Variants in BRD4 observed in about 807,000 individuals in gnomAD.
BRD4 encodes the protein bromodomain-containing protein 4.
BRD4 carries 16 observed loss-of-function variants against 142.1 expected under a neutral mutation model. The observed-to-expected ratio is 0.11, with a 90% CI of 0.08 to 0.17. The LOEUF is 0.17. BRD4 is among the 10% of genes least tolerant of loss of function. The pLI is 1.00. For missense variants in BRD4, 1,424 were observed against 1,810.9 expected (o/e 0.79, Z 3.88); for synonymous variants, 833 against 707.5 (o/e 1.18, Z -2.82).
chr19:15,302,637 C>A (rs2047879024), intron 1 of BRD4, among the ~76,000 whole-genome samples: 2 of 137,174 alleles, frequency 1.5e-5, no homozygotes, highest in African/African-American at 5.6e-5. Flanking sequence ...CCACTGCACT[C>A]CAGCCTGGAC....
chr19:15,255,936 T>C (rs2047403555), intron 9 of BRD4, 128 bp downstream of exon 9: 1 of 1,279,820 alleles, frequency 7.8e-7, no homozygotes, highest in East Asian at 2.3e-5. Flanking sequence ...GCCTGGCCTG[T>C]GAAGCCACGG....
intron 1 of BRD4, among the ~76,000 whole-genome samples, chr19:15,292,553 C>T (rs933351661): frequency 3.3e-5 from 5 of 152,032 alleles, no homozygotes; most frequent in Admixed American, 1.3e-4. Context: ...CCGAGGCGGG[C>T]GGATCACGAG....
intron 1 of BRD4, among the ~76,000 whole-genome samples, chr19:15,288,226 A>G (rs1158460514): frequency 1.3e-5 from 2 of 152,174 alleles, no homozygotes; most frequent in Non-Finnish European, 2.9e-5. Flanking sequence ...CCCTGCTTTC[A>G]AAGAGAATGC....
chr19:15,301,389 C>A (rs187284920), intron 1 of BRD4, among the ~76,000 whole-genome samples: 48 of 151,990 alleles, frequency 3.2e-4, no homozygotes, highest in African/African-American at 1.1e-3. Flanking sequence ...GGTGAAACCC[C>A]GCCTCTACTA....
At chr19:15,290,659 G>A (rs569948416) in intron 1 of BRD4, among the ~76,000 whole-genome samples, 1 of 152,218 alleles carries the variant, frequency 6.6e-6, no homozygotes, top group East Asian at 1.9e-4. Context: ...CAGCTAATCT[G>A]GCCAGGCTGG....
At position 15,254,134 on chromosome 19, in the gene BRD4, G is replaced by C; in HGVS notation, c.2158+18C>G. 1 of 1,601,436 alleles carries C rather than the reference G, an allele frequency of 6.2e-7. No homozygotes were observed. The highest frequency in any genetic ancestry group is 8.6e-7 in the Non-Finnish European group (1 of 1,168,538). On this transcript the variant is annotated intron_variant, in intron 11 of 19. Transcript: ENST00000679869. ...TGGGAAGAGTTTGGTAAGACACGTA[G>C]AACACAAGTCACCTAACCTGTTTCG...
At chr19:15,243,607 G>A (rs2145512896) in intron 13 of BRD4, 120 bp from the exon 14 acceptor site, 1 of 1,391,372 alleles carries the variant, frequency 7.2e-7, no homozygotes, top group Non-Finnish European at 9.3e-7. Flanking sequence ...CCCTCAAACT[G>A]GCACTCCCTC....
chr19:15,292,686 G>C (rs760403009), intron 1 of BRD4, among the ~76,000 whole-genome samples: 8 of 148,590 alleles, frequency 5.4e-5, no homozygotes, highest in African/African-American at 1.5e-4. Flanking sequence ...GCTGAGGCAG[G>C]AGAATGGTAT....
At chr19:15,253,330 TGAGGAAAGTGCACACTTG>T (rs2047367902) in intron 11 of BRD4, 2 of 574,856 alleles carry the variant, frequency 3.5e-6, no homozygotes, top group Non-Finnish European at 6.1e-6. Context: ...CTGAGAATAA[TGAGGAAAGTGCACACTTG>T]GAGGAGAGCA....
chr19:15,257,439 G>C, intron 7 of BRD4: 2 of 507,218 alleles, frequency 3.9e-6, no homozygotes, highest in South Asian at 5.3e-5. Context: ...GGAGGACACC[G>C]CCCAGGCAAG....
chr19:15,259,572 G>A (rs1219488625), intron 7 of BRD4, among the ~76,000 whole-genome samples: 2 of 152,234 alleles, frequency 1.3e-5, no homozygotes, highest in Non-Finnish European at 2.9e-5. Context: ...CCAGCTTCCT[G>A]GCGTGTCCAG....
intron 1 of BRD4, among the ~76,000 whole-genome samples, chr19:15,320,893 C>T (rs1005181833): frequency 6.6e-6 from 1 of 152,210 alleles, no homozygotes; most frequent in Non-Finnish European, 1.5e-5. Context: ...TCCTTTCAGC[C>T]ATCCATAATT....
chr19:15,237,245 T>TGGGGGGGGGGGG lies in BRD4; in HGVS notation c.*1120_*1131dup, dbSNP rs796315339. On this transcript the variant is annotated 3_prime_UTR_variant, in exon 20 of 20. Transcript: ENST00000679869. ...AAAAACAAAAAAGCCAACAAATGGG[T>TGGGGGGGGGGGG]GGGGGGGGGGGGGGTGGAGGGGAAA... 1 of 23,140 alleles carries TGGGGGGGGGGGG rather than the reference T, an allele frequency of 4.3e-5. No individual in the cohort carries two copies. The highest frequency in any genetic ancestry group is 7.1e-5 in the Non-Finnish European group (1 of 13,988). The allele number at this position is 23,140 out of a possible 1,614,324, so 1.4% of individuals were successfully genotyped here.
At chr19:15,298,692 C>T (rs2047844210) in intron 1 of BRD4, among the ~76,000 whole-genome samples, 1 of 144,846 alleles carries the variant, frequency 6.9e-6, no homozygotes, top group Admixed American at 6.9e-5. Context: ...CTCCTCACCC[C>T]ACCCTGAAAA....
intron 11 of BRD4, among the ~76,000 whole-genome samples, chr19:15,245,760 C>A (rs935167741): frequency 1.3e-5 from 2 of 152,204 alleles, no homozygotes; most frequent in African/African-American, 4.8e-5. Flanking sequence ...AGATGGGAGG[C>A]CGGGCCCATG....
intron 7 of BRD4, among the ~76,000 whole-genome samples, chr19:15,263,206 G>A (rs1241717584): frequency 1.3e-5 from 2 of 152,216 alleles, no homozygotes; most frequent in Non-Finnish European, 2.9e-5. Flanking sequence ...GCTGGTGGAG[G>A]GGGCTTGCAG....
intron 11 of BRD4, among the ~76,000 whole-genome samples, chr19:15,250,620 A>C (rs111884176): frequency 0.012 from 1,793 of 152,256 alleles, 21 homozygotes; most frequent in Middle Eastern, 0.024. Context: ...GCCCAGGAGG[A>C]TCTCTCACAC....
intron 7 of BRD4, among the ~76,000 whole-genome samples, chr19:15,260,873 G>C (rs910367793): frequency 6.6e-6 from 1 of 151,612 alleles, no homozygotes; most frequent in African/African-American, 2.4e-5. Flanking sequence ...GGTGGCTCCA[G>C]GGTGTCAGGA....
chr19:15,236,658 G>A lies in BRD4; in HGVS notation c.*1719C>T, dbSNP rs2047194162. On this transcript the variant is annotated 3_prime_UTR_variant, in exon 20 of 20. Coordinates refer to ENST00000679869, the MANE Select transcript of BRD4 (RefSeq NM_001379291.1). ...GCTCTGCGTCACAGCTTCAGCTTGG[G>A]GTGGTTGCTATGAGTCTGCGTGGCT... The A allele has an allele frequency of 6.1e-6, 1 of 163,152 alleles. No homozygotes were observed. Among genetic ancestry groups the A allele is most frequent in the African/African-American group, 2.4e-5 (1 of 41,684 alleles). The allele number at this position is 163,152 out of a possible 1,614,324, so 10.1% of individuals were successfully genotyped here.
Sources: gnomAD v4.1 joint callset for allele counts (sites outside exome capture counted in the v4.1 genomes callset) on GRCh38, gnomAD v4.1.1 for gene constraint, MANE v1.5 for transcripts, NCBI Gene and HGNC (gene_info 2026-07-23, HGNC 2026-07-21) for gene names.